PRKDC: variants seen among roughly 807,000 people sequenced by gnomAD.
PRKDC encodes protein kinase, DNA-activated, catalytic subunit.
A neutral mutation model predicts 486.9 loss-of-function variants in PRKDC; 82 were observed. The ratio of observed to expected loss-of-function variants is 0.17; its 90% CI spans 0.14 to 0.20. PRKDC has a LOEUF of 0.20. Among genes scored for constraint, PRKDC ranks in the 10% least tolerant of loss-of-function variants. The pLI, the probability that PRKDC is intolerant of heterozygous loss-of-function variation, is 1.00. For synonymous variants in PRKDC, 1,895 were observed against 1,837.0 expected (o/e 1.03, Z -0.81); for missense variants, 4,504 against 5,038.2 (o/e 0.89, Z 3.21).
chr8:47,779,752 G>A (rs2086667437), intron 80 of PRKDC, among the ~76,000 whole-genome samples: 2 of 151,922 alleles, frequency 1.3e-5, no homozygotes, highest in African/African-American at 4.8e-5. Context: ...ACCATGCTCA[G>A]CTAATTTCTG....
At position 47,858,989 on chromosome 8, in the gene PRKDC, G is replaced by A. The variant is rs2088612676; in HGVS notation, c.6208-3C>T. On this transcript the variant is annotated splice_region_variant and splice_polypyrimidine_tract_variant and intron_variant, in intron 46 of 85. Coordinates refer to ENST00000314191, the MANE Select transcript of PRKDC (RefSeq NM_006904.7). ...TGCACCGTGGGGTCCCGCTGCTCCT[G>A]CGAAAGGGAGGGCCCAGGAGAGCAG... 2 of 1,612,228 alleles carry A rather than the reference G, an allele frequency of 1.2e-6. No homozygotes were observed. Among genetic ancestry groups the A allele is most frequent in the Non-Finnish European group, 1.7e-6 (2 of 1,179,846 alleles).
At position 47,858,992 on chromosome 8, in the gene PRKDC, A is replaced by G. The variant is rs768095098; in HGVS notation, c.6208-6T>C. The G allele has an allele frequency of 3.1e-6, 5 of 1,612,012 alleles. No individual in the cohort carries two copies. The highest frequency in any genetic ancestry group is 4.2e-6 in the Non-Finnish European group (5 of 1,179,862). On this transcript the variant is annotated splice_region_variant and splice_polypyrimidine_tract_variant and intron_variant, in intron 46 of 85. Coordinates refer to ENST00000314191, the MANE Select transcript of PRKDC (RefSeq NM_006904.7). ...ACCGTGGGGTCCCGCTGCTCCTGCGAAAGGGAGGGCCCAGGAGAGCAGAGG... is the reference window on the plus strand; with the variant it reads ...ACCGTGGGGTCCCGCTGCTCCTGCGGAAGGGAGGGCCCAGGAGAGCAGAGG...
intron 25 of PRKDC, among the ~76,000 whole-genome samples, chr8:47,908,264 A>G (rs977052240): frequency 6.6e-6 from 1 of 152,246 alleles, no homozygotes; most frequent in African/African-American, 2.4e-5. Context: ...AAAACGGTTG[A>G]CTATTTTAAG....
At chr8:47,779,931 T>A (rs988382689) in intron 80 of PRKDC, among the ~76,000 whole-genome samples, 4 of 146,906 alleles carry the variant, frequency 2.7e-5, no homozygotes, top group Non-Finnish European at 6.0e-5. Flanking sequence ...TTTTTTTTTT[T>A]TGAGACAGAG....
chr8:47,814,729 T>A (rs2087406088), intron 68 of PRKDC, among the ~76,000 whole-genome samples: 3 of 152,194 alleles, frequency 2.0e-5, no homozygotes, highest in Admixed American at 1.3e-4. Context: ...CTCTATATTG[T>A]TAAGATAGCA....
chr8:47,846,573 G>A (rs1193986432), intron 54 of PRKDC, among the ~76,000 whole-genome samples: 1 of 152,102 alleles, frequency 6.6e-6, no homozygotes, highest in African/African-American at 2.4e-5. Flanking sequence ...AAAACTGGAA[G>A]CATTCCCCTT....
Position 47,854,178 on chromosome 8 carries a change from A to C in PRKDC, c.6798T>G (p.Asn2266Lys), listed in dbSNP as rs1042627731. 2.5e-6 allele frequency: 4 copies of C among 1,613,692 alleles called. No homozygotes were observed. The highest frequency in any genetic ancestry group is 1.7e-6 in the Non-Finnish European group (2 of 1,179,564). The change falls in exon 51 of 86, where the codon AAT (asparagine) becomes AAG (lysine). Residue 2266 changes from asparagine to lysine, a missense_variant. Around this residue, in one of 6 missense-constraint regions of PRKDC, gnomAD observed 1,592 missense variants for 1,724.6 expected, o/e 0.92. Transcript: ENST00000314191. ...IFEKFSGKDP[N>K]SKDNSVGIQL... ...GAATCCCTACTGAGTTGTCTTTAGA[A>C]TTAGGATCTTTACCGGAAAACTTTT... is the stretch of plus-strand genomic sequence containing the variant.
chr8:47,940,181 G>C (rs2090420325), intron 10 of PRKDC, among the ~76,000 whole-genome samples: 2 of 152,108 alleles, frequency 1.3e-5, no homozygotes, highest in Admixed American at 1.3e-4. Context: ...TCAATAAATA[G>C]AGTTCAGAAC....
intron 21 of PRKDC, among the ~76,000 whole-genome samples, chr8:47,925,096 T>C (rs1465066512): frequency 6.6e-6 from 1 of 152,176 alleles, no homozygotes; most frequent in Non-Finnish European, 1.5e-5. Flanking sequence ...CTCACACCCT[T>C]GGGAGCACCT....
chr8:47,955,223 G>A (rs369062478), intron 4 of PRKDC, among the ~76,000 whole-genome samples: 1 of 151,446 alleles, frequency 6.6e-6, no homozygotes, highest in African/African-American at 2.4e-5. Flanking sequence ...AGCACTTTGG[G>A]AGGCCGAGGC....
intron 7 of PRKDC, among the ~76,000 whole-genome samples, chr8:47,950,052 A>G (rs2090602115): frequency 6.6e-6 from 1 of 151,944 alleles, no homozygotes; most frequent in Admixed American, 6.6e-5. Context: ...CAGGTGGATC[A>G]CCTGAGGTCA....
At chr8:47,957,936 GC>G (rs1205801351) in intron 1 of PRKDC, among the ~76,000 whole-genome samples, 2 of 152,172 alleles carry the variant, frequency 1.3e-5, no homozygotes, top group Non-Finnish European at 1.5e-5. Context: ...CAAAATAATG[GC>G]CCCAAAGATG....
chr8:47,876,722 A>C (rs1015015605), intron 40 of PRKDC, among the ~76,000 whole-genome samples: 13 of 152,148 alleles, frequency 8.5e-5, no homozygotes, highest in African/African-American at 3.1e-4. Context: ...TTTTGCTAAA[A>C]TACTAAATTG....
chr8:47,794,159 C>T (rs972063984), intron 74 of PRKDC, 131 bp downstream of exon 74: 17 of 748,434 alleles, frequency 2.3e-5, no homozygotes, highest in Admixed American at 1.1e-4. Context: ...AACAAAGCGA[C>T]GGCTAAGATT....
chr8:47,803,022 C>T (rs907741324), intron 70 of PRKDC, among the ~76,000 whole-genome samples: 3 of 152,190 alleles, frequency 2.0e-5, no homozygotes, highest in Non-Finnish European at 2.9e-5. Context: ...CTCCTGACCT[C>T]GTGATCCACC....
intron 7 of PRKDC, among the ~76,000 whole-genome samples, chr8:47,951,665 G>A (rs981746786): frequency 5.3e-5 from 8 of 152,190 alleles, no homozygotes; most frequent in Admixed American, 4.6e-4. Flanking sequence ...AGTGAGCCAT[G>A]TTTGAGCCAC....
intron 30 of PRKDC, among the ~76,000 whole-genome samples, chr8:47,895,974 G>T (rs961685769): frequency 2.6e-5 from 4 of 152,078 alleles, no homozygotes; most frequent in African/African-American, 9.7e-5. Flanking sequence ...AGGGCGCAGA[G>T]GCTGCAGTGA....
chr8:47,824,742 C>T (rs2087694366), intron 63 of PRKDC, among the ~76,000 whole-genome samples: 1 of 152,136 alleles, frequency 6.6e-6, no homozygotes, highest in Admixed American at 6.5e-5. Flanking sequence ...TCTGGCTTGA[C>T]CCTTTCAATC....
chr8:47,947,920 T>G (rs939676224), intron 7 of PRKDC, among the ~76,000 whole-genome samples: 5 of 150,560 alleles, frequency 3.3e-5, no homozygotes, highest in Admixed American at 6.6e-5. Flanking sequence ...AAAAGAAAAA[T>G]AAAATAAAAA....
Sources: gnomAD v4.1 joint callset for allele counts (sites outside exome capture counted in the v4.1 genomes callset) on GRCh38, gnomAD v4.1.1 for gene constraint, gnomAD v4.1.1 regional missense constraint, MANE v1.5 for transcripts, NCBI Gene and HGNC (gene_info 2026-07-23, HGNC 2026-07-21) for gene names.